Variants in USH2A observed in about 807,000 individuals in gnomAD.
The protein encoded by USH2A is usherin, also known as Usher syndrome 2A (autosomal recessive, mild).
USH2A carries 443 observed loss-of-function variants against 538.9 expected under a neutral mutation model. That is an observed-to-expected ratio of 0.82 (90% CI 0.76 to 0.89). The LOEUF (loss-of-function observed/expected upper bound fraction) is 0.89, where lower values mean the gene tolerates loss of function less well. USH2A is among the 40% of genes least tolerant of loss of function. The probability of loss-of-function intolerance (pLI) is 0.00; values close to 1 mark genes in which losing one functional copy is unlikely to be tolerated. For synonymous variants in USH2A, 2,413 were observed against 2,273.5 expected, an observed-to-expected ratio of 1.06 and a Z score of -1.75; for missense variants, 6,633 against 6,324.8, an observed-to-expected ratio of 1.05 and a Z score of -1.65.
At chr1:215,985,180 A>T (rs1667843440) in intron 35 of USH2A, among the ~76,000 whole-genome samples, 2 of 152,232 alleles carry the variant, frequency 1.3e-5, no homozygotes, top group Non-Finnish European at 2.9e-5. Flanking sequence ...TTGACCATTT[A>T]AAAATAAAGT....
At chr1:215,948,746 A>G (rs1431143719) in intron 37 of USH2A, among the ~76,000 whole-genome samples, 1 of 152,074 alleles carries the variant, frequency 6.6e-6, no homozygotes, top group Non-Finnish European at 1.5e-5. Flanking sequence ...TTTTCTAAAA[A>G]TTTCAATAAG....
intron 40 of USH2A, among the ~76,000 whole-genome samples, chr1:215,895,587 T>C (rs1261480208): frequency 6.6e-6 from 1 of 152,184 alleles, no homozygotes; most frequent in Non-Finnish European, 1.5e-5. Flanking sequence ...TGTGAGTATC[T>C]GAAGGATGGA....
chr1:216,419,764 A>G (rs148217033), intron 2 of USH2A, among the ~76,000 whole-genome samples: 2 of 152,230 alleles, frequency 1.3e-5, no homozygotes, highest in East Asian at 3.9e-4. Context: ...TATAAAATTG[A>G]GCCAATCAAG....
chr1:216,364,121 A>T (rs1047771464), intron 4 of USH2A, among the ~76,000 whole-genome samples: 2 of 151,506 alleles, frequency 1.3e-5, no homozygotes, highest in African/African-American at 2.4e-5. Context: ...TTTCAAGATA[A>T]TTTCTTATTT....
intron 4 of USH2A, among the ~76,000 whole-genome samples, chr1:216,335,796 A>G (rs1226084316): frequency 1.3e-5 from 2 of 151,598 alleles, no homozygotes; most frequent in African/African-American, 2.4e-5. Context: ...AAATTTCCAC[A>G]AAGAAAAGCT....
At chr1:215,955,403 A>G (rs2102445250) in intron 37 of USH2A, among the ~76,000 whole-genome samples, 1 of 152,322 alleles carries the variant, frequency 6.6e-6, no homozygotes, top group South Asian at 2.1e-4. Context: ...CTGGATAGAG[A>G]AAATTTCTCT....
At position 216,097,063 on chromosome 1, in the gene USH2A, G is replaced by T; in HGVS notation, c.4758+20C>A. ...CTACTAAATTCTTAAAAATATTAAAGTTTATGATTTCTCATTTACCTGAGG... is the reference window on the plus strand; with the variant it reads ...CTACTAAATTCTTAAAAATATTAAATTTTATGATTTCTCATTTACCTGAGG... On this transcript the variant is annotated intron_variant, in intron 22 of 71. Coordinates refer to ENST00000307340, the MANE Select transcript of USH2A (RefSeq NM_206933.4). The T allele has an allele frequency of 6.2e-7, 1 of 1,607,296 alleles. No homozygotes were observed. The highest frequency in any genetic ancestry group is 1.1e-5 in the South Asian group (1 of 90,320).
At chr1:215,855,679 A>C (rs1571751515) in intron 44 of USH2A, among the ~76,000 whole-genome samples, 1 of 152,232 alleles carries the variant, frequency 6.6e-6, no homozygotes, top group East Asian at 1.9e-4. Context: ...CAGAACTTGA[A>C]AAAAATCCTA....
At chr1:216,090,456 T>C (rs945631614) in intron 22 of USH2A, among the ~76,000 whole-genome samples, 2 of 151,698 alleles carry the variant, frequency 1.3e-5, no homozygotes, top group Non-Finnish European at 2.9e-5. Flanking sequence ...AAAAAGCTTT[T>C]AATTTCCCAT....
chr1:215,755,995 T>G (rs1245756651), intron 58 of USH2A, among the ~76,000 whole-genome samples: 2 of 152,208 alleles, frequency 1.3e-5, no homozygotes, highest in Non-Finnish European at 2.9e-5. Context: ...AAATTGGGGC[T>G]TTGAGACCCA....
At chr1:215,958,438 C>G (rs1667122429) in intron 37 of USH2A, among the ~76,000 whole-genome samples, 1 of 152,122 alleles carries the variant, frequency 6.6e-6, no homozygotes, top group Admixed American at 6.6e-5. Context: ...CAATGAAATA[C>G]TTTCTGCATT....
At chr1:216,385,532 C>T (rs528695104) in intron 3 of USH2A, among the ~76,000 whole-genome samples, 1 of 152,200 alleles carries the variant, frequency 6.6e-6, no homozygotes, top group Admixed American at 6.5e-5. Context: ...ATTATTAGAG[C>T]CTGTAAGATT....
chr1:215,813,458 G>A (rs1662759757), intron 49 of USH2A, among the ~76,000 whole-genome samples: 1 of 152,136 alleles, frequency 6.6e-6, no homozygotes, highest in Non-Finnish European at 1.5e-5. Context: ...AATAAAAAAA[G>A]CCACAAGATA....
chr1:216,231,751 T>C (rs2035699062), intron 14 of USH2A, among the ~76,000 whole-genome samples: 1 of 152,006 alleles, frequency 6.6e-6, no homozygotes, highest in Non-Finnish European at 1.5e-5. Flanking sequence ...TTTCACCGTG[T>C]TGGCCAGGAT....
chr1:215,748,083 G>C (rs1660530951), intron 58 of USH2A, among the ~76,000 whole-genome samples: 1 of 151,962 alleles, frequency 6.6e-6, no homozygotes, highest in South Asian at 2.1e-4. Flanking sequence ...AGTAGAGACG[G>C]GGTTTCACCT....
At chr1:215,671,471 T>C (rs923782613) in intron 63 of USH2A, among the ~76,000 whole-genome samples, 178 bp from the exon 64 acceptor site, 15 of 152,056 alleles carry the variant, frequency 9.9e-5, no homozygotes, top group African/African-American at 3.6e-4. Flanking sequence ...GAGCTTGCAG[T>C]GAGCCGAGAT....
intron 43 of USH2A, among the ~76,000 whole-genome samples, chr1:215,868,408 T>C (rs1664536988): frequency 2.6e-5 from 4 of 152,206 alleles, no homozygotes; most frequent in African/African-American, 9.6e-5. Flanking sequence ...CTATTGTAAT[T>C]ACAGGTAAAA....
At chr1:216,217,658 G>C in intron 14 of USH2A, 108 bp from the exon 15 acceptor site, 1 of 1,310,852 alleles carries the variant, frequency 7.6e-7, no homozygotes, top group Non-Finnish European at 1.1e-6. Flanking sequence ...GCTTGTTTTA[G>C]CCAATATATT....
At chr1:216,209,249 G>T (rs1292016567) in intron 15 of USH2A, among the ~76,000 whole-genome samples, 3 of 152,214 alleles carry the variant, frequency 2.0e-5, no homozygotes, top group Non-Finnish European at 4.4e-5. Flanking sequence ...ATGGAGGGAT[G>T]CAGTTAGCTT....
Sources: allele counts gnomAD v4.1 joint callset (sites outside exome capture counted in the v4.1 genomes callset), GRCh38; gene constraint gnomAD v4.1.1; transcripts MANE v1.5; gene names NCBI Gene and HGNC (gene_info 2026-07-23, HGNC 2026-07-21).